The following KIF16B variants were observed in gnomAD, a reference collection of about 807,000 sequenced individuals.
KIF16B encodes the protein kinesin-like protein KIF16B.
A neutral mutation model predicts 156.3 loss-of-function variants in KIF16B; 98 were observed. The observed-to-expected ratio is 0.63, with a 90% confidence interval of 0.53 to 0.74. KIF16B has a LOEUF of 0.74. KIF16B is among the 30% of genes least tolerant of loss of function. The pLI, the probability that KIF16B is intolerant of heterozygous loss-of-function variation, is 0.00. For missense variants in KIF16B, 1,421 were observed against 1,606.5 expected (o/e 0.88, Z 1.97); for synonymous variants, 564 against 583.7 (o/e 0.97, Z 0.49).
At chr20:16,488,167 T>C (rs2068180057) in intron 12 of KIF16B, among the ~76,000 whole-genome samples, 1 of 152,160 alleles carries the variant, frequency 6.6e-6, no homozygotes, top group Non-Finnish European at 1.5e-5. Context: ...GGGACCTTAT[T>C]GATTAAAAAA....
intron 2 of KIF16B, among the ~76,000 whole-genome samples, chr20:16,527,025 A>T (rs758558458): frequency 2.0e-5 from 3 of 152,266 alleles, no homozygotes; most frequent in Non-Finnish European, 4.4e-5. Flanking sequence ...TAACGCACAA[A>T]GAAAGGAGAC....
intron 22 of KIF16B, 52 bp downstream of exon 22, chr20:16,370,534 G>C: frequency 7.1e-7 from 1 of 1,406,660 alleles, no homozygotes; most frequent in Non-Finnish European, 9.7e-7. Context: ...GTAATCACAT[G>C]AGCATGCCAT....
chr20:16,353,563 T>A (rs1419506291), intron 23 of KIF16B, among the ~76,000 whole-genome samples: 1 of 151,966 alleles, frequency 6.6e-6, no homozygotes, highest in East Asian at 1.9e-4. Flanking sequence ...CATCCACTCC[T>A]CATACCAACC....
chr20:16,518,260 C>T (rs1288779226), intron 3 of KIF16B, among the ~76,000 whole-genome samples: 1 of 152,188 alleles, frequency 6.6e-6, no homozygotes, highest in Non-Finnish European at 1.5e-5. Flanking sequence ...GAGATACCCC[C>T]ATCACAGCTC....
chr20:16,447,331 C>T (rs1392984502), intron 12 of KIF16B, among the ~76,000 whole-genome samples: 1 of 151,566 alleles, frequency 6.6e-6, no homozygotes, highest in Admixed American at 6.6e-5. Flanking sequence ...TTTTTAATCA[C>T]TTTCTTGAAC....
At chr20:16,402,168 C>G (rs188931182) in intron 17 of KIF16B, among the ~76,000 whole-genome samples, 101 of 152,222 alleles carry the variant, frequency 6.6e-4, no homozygotes, top group Admixed American at 2.9e-3. Context: ...CCATTCTCCC[C>G]CTTTCTGTTT....
chr20:16,277,459 T>TTTTATA (rs74175678), intron 25 of KIF16B, among the ~76,000 whole-genome samples: 2,384 of 143,888 alleles, frequency 0.017, 54 homozygotes, highest in African/African-American at 0.048. Flanking sequence ...TATGTACATA[T>TTTTATA]TATATATATA....
At position 16,499,465 on chromosome 20, in the gene KIF16B, G is replaced by A. The variant is rs140442823; in HGVS notation, c.1177-1787C>T. Among the ~76,000 whole-genome samples the A allele has an allele frequency of 2.6e-5, 4 of 152,294 alleles. No individual in the cohort carries two copies. In the East Asian group the frequency reaches 7.7e-4, roughly 29 times the overall value. On this transcript the variant is annotated intron_variant, in intron 10 of 25. Coordinates refer to ENST00000354981, the MANE Select transcript of KIF16B (RefSeq NM_024704.5). Reference sequence around the variant, plus strand: ...TAACCCAAGGTCAAATCCATCCTCAGTAAAGAAAAGGGAGCTTTGTTAGCA... The same window carrying A: ...TAACCCAAGGTCAAATCCATCCTCAATAAAGAAAAGGGAGCTTTGTTAGCA...
chr20:16,555,392 T>TA lies in KIF16B; in HGVS notation c.47+17836dup, dbSNP rs547554635. ...AATGGCAAGATGTAACCTGAGAACC[T>TA]ACCCTTCCACATGCATGCCTCTGCC... On this transcript the variant is annotated intron_variant, in intron 1 of 25. Coordinates refer to ENST00000354981, the MANE Select transcript of KIF16B (RefSeq NM_024704.5). Among the ~76,000 whole-genome samples, 90 of 152,264 alleles carry TA rather than the reference T, an allele frequency of 5.9e-4. 1 individual carries two copies. The South Asian group carries it at 0.015, about 26-fold the overall frequency.
intron 15 of KIF16B, among the ~76,000 whole-genome samples, chr20:16,419,327 T>G (rs896345279): frequency 3.9e-5 from 6 of 152,168 alleles, no homozygotes; most frequent in Non-Finnish European, 7.4e-5. Context: ...CACTGATACC[T>G]GCTGACACAT....
At chr20:16,500,047 C>T (rs2068572850) in intron 10 of KIF16B, among the ~76,000 whole-genome samples, 1 of 152,106 alleles carries the variant, frequency 6.6e-6, no homozygotes, top group African/African-American at 2.4e-5. Flanking sequence ...GCCTCACACC[C>T]TCATCAATAT....
chr20:16,439,724 G>A (rs2066742634), intron 12 of KIF16B, among the ~76,000 whole-genome samples: 1 of 152,164 alleles, frequency 6.6e-6, no homozygotes. Context: ...TCACAATCAT[G>A]GAGGAAGGCA....
intron 12 of KIF16B, among the ~76,000 whole-genome samples, chr20:16,491,429 A>G (rs1486352072): frequency 6.6e-6 from 1 of 152,224 alleles, no homozygotes; most frequent in East Asian, 1.9e-4. Context: ...GACATAGAGT[A>G]CAGTACAGAG....
intron 25 of KIF16B, among the ~76,000 whole-genome samples, chr20:16,285,630 A>T (rs2063211980): frequency 6.6e-6 from 1 of 152,210 alleles, no homozygotes; most frequent in East Asian, 1.9e-4. Flanking sequence ...CAGCCTGGGC[A>T]ACATGCTGAA....
chr20:16,324,642 G>C (rs2063817022), intron 24 of KIF16B, among the ~76,000 whole-genome samples: 1 of 151,920 alleles, frequency 6.6e-6, no homozygotes, highest in Admixed American at 6.6e-5. Context: ...AAGAATATTT[G>C]TCACTGGAAA....
At position 16,443,163 on chromosome 20, in the gene KIF16B, G is replaced by C. The variant is rs2066848064; in HGVS notation, c.1303-13181C>G. 2.0e-5 allele frequency among the ~76,000 whole-genome samples: 3 copies of C among 152,106 alleles called. No homozygotes were observed. The South Asian group carries it at 6.2e-4, about 32-fold the overall frequency. On this transcript the variant is annotated intron_variant, in intron 12 of 25. Coordinates refer to ENST00000354981, the MANE Select transcript of KIF16B (RefSeq NM_024704.5). ...CCAGAAATAAAACCTGCTTTTTATG[G>C]AGAAGAGAGAATATAACCCCCTTCC... is the stretch of plus-strand genomic sequence containing the variant.
At chr20:16,420,428 T>C (rs536098843) in intron 15 of KIF16B, among the ~76,000 whole-genome samples, 42 of 152,138 alleles carry the variant, frequency 2.8e-4, no homozygotes, top group Non-Finnish European at 5.3e-4. Flanking sequence ...TGTTTTTTAA[T>C]GGGACAGCCT....
intron 12 of KIF16B, among the ~76,000 whole-genome samples, chr20:16,450,173 T>C (rs2067041680): frequency 6.6e-6 from 1 of 152,356 alleles, no homozygotes; most frequent in South Asian, 2.1e-4. Flanking sequence ...TCCAATTTTA[T>C]AGATCTATTT....
At chr20:16,472,566 A>G (rs1472349039) in intron 12 of KIF16B, among the ~76,000 whole-genome samples, 1 of 151,616 alleles carries the variant, frequency 6.6e-6, no homozygotes, top group Non-Finnish European at 1.5e-5. Context: ...AAAAAAAAAA[A>G]AAAAAAAAAA....
Sources: allele counts gnomAD v4.1 joint callset (sites outside exome capture counted in the v4.1 genomes callset), GRCh38; gene constraint gnomAD v4.1.1; transcripts MANE v1.5; gene names NCBI Gene and HGNC (gene_info 2026-07-23, HGNC 2026-07-21).